The following NIPSNAP2 variants were observed in gnomAD, a reference collection of about 807,000 sequenced individuals.
The protein encoded by NIPSNAP2 is protein NipSnap homolog 2.
NIPSNAP2 carries 42 observed loss-of-function variants against 48.4 expected under a neutral mutation model. The ratio of observed to expected loss-of-function variants is 0.87; its 90% CI spans 0.68 to 1.12. The LOEUF (loss-of-function observed/expected upper bound fraction) is 1.12. NIPSNAP2 is among the 50% of genes most tolerant of loss of function. NIPSNAP2 has a pLI of 0.00. For missense variants in NIPSNAP2, 314 were observed against 347.3 expected (o/e 0.90, Z 0.76); for synonymous variants, 158 against 126.6 (o/e 1.25, Z -1.67).
chr7:55,977,076 A>C lies in NIPSNAP2; in HGVS notation c.93-1050A>C, dbSNP rs922848025. Reference sequence around the variant, plus strand: ...GCAGTTAAAAAATTTTTGATTTTTAAAGTTAATTTTTACAAATCTTGATTT... The same window carrying C: ...GCAGTTAAAAAATTTTTGATTTTTACAGTTAATTTTTACAAATCTTGATTT... On this transcript the variant is annotated intron_variant, in intron 1 of 9. Transcript: ENST00000322090. 3.5e-5 allele frequency among the ~76,000 whole-genome samples: 5 copies of C among 141,670 alleles called. No individual in the cohort carries two copies. In the Admixed American group the frequency reaches 3.7e-4, roughly 11 times the overall value. 92.9% of individuals were successfully genotyped at this position (141,670 alleles called of 152,430 possible).
At chr7:55,968,127 A>G (rs1387379566) in intron 1 of NIPSNAP2, among the ~76,000 whole-genome samples, 1 of 152,132 alleles carries the variant, frequency 6.6e-6, no homozygotes, top group East Asian at 1.9e-4. Flanking sequence ...TTTTCCTAGT[A>G]GAAAGATCTC....
At chr7:55,994,646 G>C (rs976701389) in intron 7 of NIPSNAP2, among the ~76,000 whole-genome samples, 6 of 152,220 alleles carry the variant, frequency 3.9e-5, no homozygotes, top group African/African-American at 1.4e-4. Context: ...CCAGGAGGTG[G>C]AGGTTGCAGT....
At chr7:55,964,893 G>A (rs1786857774) in intron 1 of NIPSNAP2, 192 bp downstream of exon 1, 1 of 212,896 alleles carries the variant, frequency 4.7e-6, no homozygotes, top group African/African-American at 2.3e-5. Context: ...CGGGCTCAAG[G>A]TCACGGAGGG....
At chr7:55,990,653 C>T (rs888174271) in intron 7 of NIPSNAP2, among the ~76,000 whole-genome samples, 5 of 152,222 alleles carry the variant, frequency 3.3e-5, no homozygotes, top group Middle Eastern at 3.4e-3. Flanking sequence ...AACTATTTAC[C>T]CACAAAGGGG....
intron 7 of NIPSNAP2, among the ~76,000 whole-genome samples, chr7:55,988,412 G>A (rs1213542520): frequency 1.3e-5 from 2 of 152,110 alleles, no homozygotes; most frequent in African/African-American, 2.4e-5. Flanking sequence ...AAACTATAAT[G>A]GGATACCAGT....
chr7:55,973,122 C>G (rs1787045341), intron 1 of NIPSNAP2, among the ~76,000 whole-genome samples: 1 of 151,864 alleles, frequency 6.6e-6, no homozygotes. Context: ...AAAAAAAATA[C>G]AGAAGAGAAA....
intron 7 of NIPSNAP2, among the ~76,000 whole-genome samples, chr7:55,990,874 G>T (rs1370370221): frequency 1.3e-5 from 2 of 148,892 alleles, no homozygotes; most frequent in East Asian, 4.0e-4. Context: ...TCCAATCTCT[G>T]CCTCCTGGGT....
intron 5 of NIPSNAP2, 114 bp from the exon 6 acceptor site, chr7:55,983,614 A>T (rs1027942805): frequency 2.9e-6 from 3 of 1,028,872 alleles, no homozygotes; most frequent in Non-Finnish European, 4.3e-6. Context: ...TCTCAGGCCA[A>T]CTGGGACCTG....
intron 4 of NIPSNAP2, 97 bp downstream of exon 4, chr7:55,981,664 CTTTCCAAGTCTCAGTCTAATTTTATGAT>C: frequency 2.8e-6 from 2 of 704,882 alleles, no homozygotes; most frequent in East Asian, 5.3e-5. Flanking sequence ...ATCATCAAAG[CTTTCCAAGTCTCAGTCTAATTTTATGAT>C]TAAAGTAGTT....
chr7:55,982,077 G>T lies in NIPSNAP2; in HGVS notation c.374-133G>T, dbSNP rs1787227447. The T allele has an allele frequency of 5.7e-6, 3 of 526,782 alleles. No individual in the cohort carries two copies. The East Asian group carries it at 9.8e-5, about 17-fold the overall frequency. The allele number at this position is 526,782 out of a possible 1,614,324, so 32.6% of individuals were successfully genotyped here. A position where few individuals can be genotyped will look rare whatever the true frequency, so the allele number is the denominator to read the frequency against. On this transcript the variant is annotated intron_variant, in intron 4 of 9. Coordinates refer to ENST00000322090, the MANE Select transcript of NIPSNAP2 (RefSeq NM_001483.3). ...CTGTCTCAGCCTCCCAAAGTGCTGG[G>T]ATTACAGGCATGAGCCACCACACAC...
At chr7:55,987,496 C>T (rs1016389686) in intron 7 of NIPSNAP2, among the ~76,000 whole-genome samples, 1 of 151,988 alleles carries the variant, frequency 6.6e-6, no homozygotes, top group Non-Finnish European at 1.5e-5. Flanking sequence ...GGCGTGGTAG[C>T]GTGCACCTGT....
intron 7 of NIPSNAP2, among the ~76,000 whole-genome samples, chr7:55,987,301 A>G (rs1787350485): frequency 6.6e-6 from 1 of 152,132 alleles, no homozygotes; most frequent in African/African-American, 2.4e-5. Flanking sequence ...AGAGGTAGAA[A>G]CAACCCACAT....
At position 55,973,452 on chromosome 7, in the gene NIPSNAP2, TTTTAA is replaced by T. The variant is rs113411143; in HGVS notation, c.93-4669_93-4665del. Reference sequence around the variant, plus strand: ...TAATTATTTATAGAGCACATTTTATTTTTAATTTATTTTATTTTATTTTATTATTA... The same window carrying T: ...TAATTATTTATAGAGCACATTTTATTTTTATTTTATTTTATTTTATTATTA... On this transcript the variant is annotated intron_variant, in intron 1 of 9. Transcript: ENST00000322090. Among the ~76,000 whole-genome samples, 132 of 151,770 alleles carry T rather than the reference TTTTAA, an allele frequency of 8.7e-4. 2 individuals are homozygous for T. Among genetic ancestry groups the T allele is most frequent in the African/African-American group, 3.0e-3 (126 of 41,510 alleles).
intron 8 of NIPSNAP2, among the ~76,000 whole-genome samples, chr7:55,996,225 G>A (rs995848280): frequency 1.3e-5 from 2 of 150,382 alleles, no homozygotes; most frequent in African/African-American, 4.9e-5. Flanking sequence ...GGCGGAGGTT[G>A]CAGTGAGCCG....
chr7:55,979,586 C>G (rs1787170630), intron 3 of NIPSNAP2: 1 of 351,668 alleles, frequency 2.8e-6, no homozygotes, highest in African/African-American at 2.1e-5. Flanking sequence ...TCTCTCCAAG[C>G]CTCTCGAGCC....
At chr7:55,970,650 C>T (rs1040022539) in intron 1 of NIPSNAP2, among the ~76,000 whole-genome samples, 1 of 152,042 alleles carries the variant, frequency 6.6e-6, no homozygotes, top group African/African-American at 2.4e-5. Context: ...CAGCATCTCA[C>T]CCTACACAGA....
In NIPSNAP2 at chr7:55,977,803, A is replaced by G. The variant is rs181279709; in HGVS notation, c.93-323A>G. ...CCTCCCCTTTCCTCACCTCCTGGCA[A>G]CCTCCGTTCTGCTTTCTGTCTCTGT... On this transcript the variant is annotated intron_variant, in intron 1 of 9. Coordinates refer to ENST00000322090, the MANE Select transcript of NIPSNAP2 (RefSeq NM_001483.3). 2.7e-5 allele frequency among the ~76,000 whole-genome samples: 4 copies of G among 149,604 alleles called. No individual in the cohort carries two copies. The East Asian group carries it at 5.9e-4, about 22-fold the overall frequency.
intron 6 of NIPSNAP2, among the ~76,000 whole-genome samples, chr7:55,984,463 T>A (rs1024879811): frequency 1.3e-5 from 2 of 152,156 alleles, no homozygotes; most frequent in Non-Finnish European, 2.9e-5. Flanking sequence ...ATGCCTGTAA[T>A]CCCAGCTTTT....
At chr7:55,991,047 T>C (rs1787433794) in intron 7 of NIPSNAP2, among the ~76,000 whole-genome samples, 1 of 152,100 alleles carries the variant, frequency 6.6e-6, no homozygotes, top group Non-Finnish European at 1.5e-5. Context: ...TGCCTCAGCA[T>C]CCCAAAGTGC....
Sources: gnomAD v4.1 joint callset for allele counts (sites outside exome capture counted in the v4.1 genomes callset) on GRCh38, gnomAD v4.1.1 for gene constraint, MANE v1.5 for transcripts, NCBI Gene and HGNC (gene_info 2026-07-23, HGNC 2026-07-21) for gene names.